Variants in SPIDR observed in about 807,000 individuals in gnomAD.
The protein encoded by SPIDR is DNA repair-scaffolding protein.
A neutral mutation model predicts 104.6 loss-of-function variants in SPIDR; 93 were observed. That is an observed-to-expected ratio of 0.89 (90% confidence interval 0.75 to 1.06). The LOEUF (loss-of-function observed/expected upper bound fraction) is 1.06. SPIDR is among the 50% of genes least tolerant of loss of function. SPIDR has a pLI of 0.00. For synonymous variants in SPIDR, 431 were observed against 416.9 expected (o/e 1.03, Z -0.41); for missense variants, 1,154 against 1,111.2 (o/e 1.04, Z -0.55).
chr8:47,493,461 A>AT (rs1444864584), intron 8 of SPIDR, among the ~76,000 whole-genome samples: 1 of 152,012 alleles, frequency 6.6e-6, no homozygotes, highest in Non-Finnish European at 1.5e-5. Flanking sequence ...TCTTTCAAGT[A>AT]TTGTGCTTTG....
intron 8 of SPIDR, among the ~76,000 whole-genome samples, chr8:47,582,440 C>T (rs368261452): frequency 1.4e-4 from 21 of 152,168 alleles, no homozygotes; most frequent in African/African-American, 4.3e-4. Context: ...GGTATTTCAC[C>T]GTTGACAGTG....
intron 8 of SPIDR, among the ~76,000 whole-genome samples, chr8:47,546,374 CAT>C (rs1157921790): frequency 6.6e-6 from 1 of 152,134 alleles, no homozygotes; most frequent in Non-Finnish European, 1.5e-5. Flanking sequence ...TTTTACCTAA[CAT>C]GTCAAATTTT....
chr8:47,304,959 T>C (rs1412244268), intron 5 of SPIDR, among the ~76,000 whole-genome samples: 2 of 152,230 alleles, frequency 1.3e-5, no homozygotes, highest in Admixed American at 1.3e-4. Flanking sequence ...GCTCTCACCC[T>C]CACTTGTCGT....
At chr8:47,436,443 C>T (rs1420360276) in intron 7 of SPIDR, among the ~76,000 whole-genome samples, 1 of 152,112 alleles carries the variant, frequency 6.6e-6, no homozygotes, top group Non-Finnish European at 1.5e-5. Context: ...TTGCTTCTGC[C>T]AGGCATGGTG....
chr8:47,624,649 C>A (rs1319423178), intron 10 of SPIDR, among the ~76,000 whole-genome samples: 1 of 151,884 alleles, frequency 6.6e-6, no homozygotes, highest in Non-Finnish European at 1.5e-5. Context: ...GAAATGGATA[C>A]ATTCCTCGAC....
At position 47,291,151 on chromosome 8, in the gene SPIDR, C is replaced by T; in HGVS notation, c.361+14C>T. 1 of 1,555,568 alleles carries T rather than the reference C, an allele frequency of 6.4e-7. No individual in the cohort carries two copies. Among genetic ancestry groups the T allele is most frequent in the Non-Finnish European group, 8.8e-7 (1 of 1,134,448 alleles). ...AGTTACAGAGAGGTAATGGACATTG[C>T]TCTAGAATAGACAGATTTTGTAACA... On this transcript the variant is annotated intron_variant, in intron 4 of 19. Transcript: ENST00000297423.
intron 5 of SPIDR, among the ~76,000 whole-genome samples, chr8:47,323,911 G>T (rs1320639533): frequency 6.6e-6 from 1 of 152,080 alleles, no homozygotes; most frequent in Non-Finnish European, 1.5e-5. Flanking sequence ...GAAACTATTA[G>T]TTAAACATTT....
chr8:47,602,670 C>T (rs572318113), intron 10 of SPIDR, among the ~76,000 whole-genome samples: 9 of 152,176 alleles, frequency 5.9e-5, no homozygotes, highest in Admixed American at 2.0e-4. Flanking sequence ...TCCCAGTCCT[C>T]GGTCAGTGTC....
chr8:47,616,647 A>G (rs2064353211), intron 10 of SPIDR, among the ~76,000 whole-genome samples: 1 of 152,228 alleles, frequency 6.6e-6, no homozygotes, highest in African/African-American at 2.4e-5. Context: ...TACTTTTAAC[A>G]TGCTTCTCAT....
intron 10 of SPIDR, among the ~76,000 whole-genome samples, chr8:47,607,353 C>T (rs1294236271): frequency 6.6e-6 from 1 of 152,108 alleles, no homozygotes; most frequent in Non-Finnish European, 1.5e-5. Context: ...TTAATCTCAG[C>T]TGCCCATCTA....
intron 7 of SPIDR, 38 bp from the exon 8 acceptor site, chr8:47,440,285 G>T: frequency 6.4e-7 from 1 of 1,571,006 alleles, no homozygotes; most frequent in Non-Finnish European, 8.8e-7. Context: ...TCTGTCTTTT[G>T]ATTTCATTTT....
At chr8:47,420,165 A>G (rs1231743395) in intron 7 of SPIDR, among the ~76,000 whole-genome samples, 2 of 152,046 alleles carry the variant, frequency 1.3e-5, no homozygotes, top group African/African-American at 2.4e-5. Context: ...ATTCCTGGGT[A>G]TCCTTGTTAA....
At chr8:47,326,597 T>G (rs1293304473) in intron 5 of SPIDR, among the ~76,000 whole-genome samples, 1 of 152,258 alleles carries the variant, frequency 6.6e-6, no homozygotes, top group African/African-American at 2.4e-5. Context: ...ACTATACTAT[T>G]AAGCATCCAT....
intron 8 of SPIDR, among the ~76,000 whole-genome samples, chr8:47,473,131 T>A (rs1284572584): frequency 6.6e-6 from 1 of 152,184 alleles, no homozygotes; most frequent in Non-Finnish European, 1.5e-5. Flanking sequence ...AACACACCCG[T>A]CAGGTTAATT....
intron 5 of SPIDR, among the ~76,000 whole-genome samples, chr8:47,377,170 G>A (rs888035682): frequency 6.6e-6 from 1 of 152,130 alleles, no homozygotes; most frequent in Admixed American, 6.5e-5. Context: ...TTTCTTTTAA[G>A]TCCTTTAAGT....
intron 8 of SPIDR, among the ~76,000 whole-genome samples, chr8:47,545,203 C>G (rs1055634291): frequency 6.7e-6 from 1 of 149,766 alleles, no homozygotes; most frequent in African/African-American, 2.5e-5. Flanking sequence ...TCACTGCAAC[C>G]TCTGCCTCCT....
At chr8:47,520,498 A>T (rs2083896016) in intron 8 of SPIDR, among the ~76,000 whole-genome samples, 1 of 152,166 alleles carries the variant, frequency 6.6e-6, no homozygotes, top group Non-Finnish European at 1.5e-5. Context: ...TGTACCATGA[A>T]TATTTTTCTC....
chr8:47,659,319 T>C (rs958193916), intron 10 of SPIDR, among the ~76,000 whole-genome samples: 1 of 152,192 alleles, frequency 6.6e-6, no homozygotes, highest in Non-Finnish European at 1.5e-5. Flanking sequence ...TTTAGCAAAG[T>C]AAGATTGTTA....
In SPIDR at chr8:47,700,462, C is replaced by T; in HGVS notation, c.1745C>T (p.Thr582Ile). 1 of 1,614,192 alleles carries T rather than the reference C, an allele frequency of 6.2e-7. No homozygotes were observed. The highest frequency in any genetic ancestry group is 8.5e-7 in the Non-Finnish European group (1 of 1,180,032). The change falls in exon 12 of 20, where the codon ACA becomes ATA. Residue 582 changes from threonine (T) to isoleucine (I), a missense_variant. Physicochemically the swap from Thr to Ile is moderately conservative, Grantham distance 89. Transcript: ENST00000297423. Reference protein sequence around the residue: ...TLWPPAIPLKTPGRDQPCEEI... With the variant: ...TLWPPAIPLKIPGRDQPCEEI... ...TGGCCCCCAGCGATACCTCTGAAAACACCTGGCCGCGACCAGCCCTGTGAA... is the reference window on the plus strand; with the variant it reads ...TGGCCCCCAGCGATACCTCTGAAAATACCTGGCCGCGACCAGCCCTGTGAA...
Sources: allele counts gnomAD v4.1 joint callset (sites outside exome capture counted in the v4.1 genomes callset), GRCh38; gene constraint gnomAD v4.1.1; transcripts MANE v1.5; gene names NCBI Gene and HGNC (gene_info 2026-07-23, HGNC 2026-07-21).